The following CARNMT1 variants were observed in gnomAD, a reference collection of about 807,000 sequenced individuals.
The protein encoded by CARNMT1 is protein-L-histidine N-pros-methyltransferase CARNMT1.
A neutral mutation model predicts 49.6 loss-of-function variants in CARNMT1; 28 were observed. The ratio of observed to expected loss-of-function variants is 0.56; its 90% CI spans 0.42 to 0.77. CARNMT1 has a LOEUF of 0.77. Among genes scored for constraint, CARNMT1 ranks in the 30% least tolerant of loss-of-function variants. CARNMT1 has a pLI of 0.00. For missense variants in CARNMT1, 421 were observed against 512.6 expected, an observed-to-expected ratio of 0.82 and a Z score of 1.73; for synonymous variants, 178 against 175.0, an observed-to-expected ratio of 1.02 and a Z score of -0.13.
intron 1 of CARNMT1, among the ~76,000 whole-genome samples, chr9:75,020,941 C>T (rs1822327951): frequency 6.6e-6 from 1 of 152,094 alleles, no homozygotes; most frequent in South Asian, 2.1e-4. Flanking sequence ...TTACCGCCTT[C>T]CTTTGTCCAA....
chr9:75,021,397 T>C (rs1320803432), intron 1 of CARNMT1, among the ~76,000 whole-genome samples: 2 of 138,638 alleles, frequency 1.4e-5, no homozygotes, highest in Non-Finnish European at 3.1e-5. Context: ...ATATACAGTA[T>C]ATATACTATA....
intron 1 of CARNMT1, chr9:75,027,137 A>G: frequency 7.7e-7 from 1 of 1,303,262 alleles, no homozygotes; most frequent in Non-Finnish European, 1.0e-6. Flanking sequence ...ACGTGAATAA[A>G]AGTGTTATCT....
rs1392638756 is a variant in CARNMT1 at position 74,995,142 on chromosome 9, G to A, written c.1024+1305C>T. The stretch of plus-strand genomic sequence containing the variant: ...AACCTTACCATAACTCAGTAATGGG[G>A]GTCAAAAAATTTAATTATATAAACA... On this transcript the variant is annotated intron_variant, in intron 6 of 7. Coordinates refer to ENST00000376834, the MANE Select transcript of CARNMT1 (RefSeq NM_152420.3). 2.0e-5 allele frequency among the ~76,000 whole-genome samples: 3 copies of A among 152,262 alleles called. No homozygotes were observed. In the East Asian group the frequency reaches 5.8e-4, roughly 29 times the overall value.
chr9:75,027,663 T>C (rs1331378845), intron 1 of CARNMT1, among the ~76,000 whole-genome samples: 1 of 152,230 alleles, frequency 6.6e-6, no homozygotes, highest in Non-Finnish European at 1.5e-5. Context: ...AGTGGACGAT[T>C]GTACCACCAT....
chr9:74,990,282 TAAA>T (rs568453500), intron 6 of CARNMT1, among the ~76,000 whole-genome samples: 1 of 152,062 alleles, frequency 6.6e-6, no homozygotes, highest in Non-Finnish European at 1.5e-5. Flanking sequence ...GTAAAAATCT[TAAA>T]AAAACAGAAT....
chr9:75,003,237 A>G (rs1833412665), intron 3 of CARNMT1, among the ~76,000 whole-genome samples: 1 of 152,196 alleles, frequency 6.6e-6, no homozygotes, highest in Non-Finnish European at 1.5e-5. Flanking sequence ...CACTTCATCT[A>G]TATTTCCTAA....
At chr9:74,993,684 AT>A (rs2118771463) in intron 6 of CARNMT1, among the ~76,000 whole-genome samples, 1 of 151,710 alleles carries the variant, frequency 6.6e-6, no homozygotes, top group African/African-American at 2.4e-5. Flanking sequence ...ATCTAAAGAC[AT>A]TTTGGTTGTC....
chr9:74,985,126 G>T, intron 6 of CARNMT1, 116 bp from the exon 7 acceptor site: 1 of 767,154 alleles, frequency 1.3e-6, no homozygotes, highest in Non-Finnish European at 2.1e-6. Flanking sequence ...TAAAAAGTCT[G>T]GGCATTTGCT....
At chr9:75,027,237 AC>A (rs1199869377) in intron 1 of CARNMT1, 1 of 943,560 alleles carries the variant, frequency 1.1e-6, no homozygotes, top group African/African-American at 1.7e-5. Context: ...TCTAGAAGAA[AC>A]GTGGAAGTTA....
chr9:75,007,744 AT>A (rs749424645), intron 3 of CARNMT1, among the ~76,000 whole-genome samples: 9,266 of 112,374 alleles, frequency 0.082, 1,322 homozygotes, highest in East Asian at 0.2. Flanking sequence ...AATAAAAATA[AT>A]AAAAAAAAAA....
chr9:75,015,583 C>T (rs534103211), intron 3 of CARNMT1, among the ~76,000 whole-genome samples: 76 of 151,904 alleles, frequency 5.0e-4, no homozygotes, highest in African/African-American at 1.8e-3. Flanking sequence ...GTCAGGAGTT[C>T]GAGACCAGCC....
At chr9:75,002,174 T>C (rs1444797120) in intron 3 of CARNMT1, among the ~76,000 whole-genome samples, 1 of 152,200 alleles carries the variant, frequency 6.6e-6, no homozygotes, top group Non-Finnish European at 1.5e-5. Context: ...AAAGAGGCCA[T>C]AGATCACACT....
Position 74,998,615 on chromosome 9 carries a change from T to C in CARNMT1, c.893A>G (p.Glu298Gly). Reference sequence around the variant, plus strand: ...GGACTTACTGCATTCTGAATAAATCTCTTGAAAATCTCCTGCTGTCATAGA... The same window carrying C: ...GGACTTACTGCATTCTGAATAAATCCCTTGAAAATCTCCTGCTGTCATAGA... ...NFSMTAGDFQ[E>G]IYSECNTWDC... Residue 298 changes from glutamate to glycine, a missense_variant, in exon 5 of 8, where the codon GAG becomes GGG. Physicochemically the swap from Glu to Gly is moderately conservative, Grantham distance 98. Around this residue, in one of 2 missense-constraint regions of CARNMT1, gnomAD observed 235 missense variants for 344.8 expected, o/e 0.68. Transcript: ENST00000376834. 1 of 1,583,932 alleles carries C rather than the reference T, an allele frequency of 6.3e-7. No individual in the cohort carries two copies. The highest frequency in any genetic ancestry group is 8.6e-7 in the Non-Finnish European group (1 of 1,168,554).
chr9:75,004,971 T>A lies in CARNMT1; in HGVS notation c.591-5101A>T, dbSNP rs535081127. On this transcript the variant is annotated intron_variant, in intron 3 of 7. Coordinates refer to ENST00000376834, the MANE Select transcript of CARNMT1 (RefSeq NM_152420.3). ...ATGTTAGCCTTCCTTCCAGATAGGA[T>A]GCAAACTTAAGAATCTATATTTCCT... Among the ~76,000 whole-genome samples, 5 of 152,330 alleles carry A rather than the reference T, an allele frequency of 3.3e-5. No homozygotes were observed. In the South Asian group the frequency reaches 8.3e-4, roughly 25 times the overall value.
intron 1 of CARNMT1, among the ~76,000 whole-genome samples, chr9:75,018,278 G>C (rs1310387117): frequency 6.6e-6 from 1 of 152,032 alleles, no homozygotes; most frequent in East Asian, 1.9e-4. Context: ...TGCCCAGGCT[G>C]GTCTCAAACT....
intron 6 of CARNMT1, among the ~76,000 whole-genome samples, chr9:74,986,716 T>G (rs528055201): frequency 6.6e-6 from 1 of 152,336 alleles, no homozygotes; most frequent in African/African-American, 2.4e-5. Flanking sequence ...CAACTCAAGC[T>G]TTAGCCGTGC....
At chr9:75,027,945 C>T in intron 1 of CARNMT1, 67 bp downstream of exon 1, 1 of 1,465,168 alleles carries the variant, frequency 6.8e-7, no homozygotes, top group East Asian at 3.0e-5. Context: ...GCCCCCGTTC[C>T]GGCGGGTCCG....
intron 1 of CARNMT1, among the ~76,000 whole-genome samples, chr9:75,020,999 A>G (rs1334280896): frequency 6.6e-6 from 1 of 152,178 alleles, no homozygotes; most frequent in Non-Finnish European, 1.5e-5. Context: ...GATGATGATC[A>G]TGGAAGCTGC....
In CARNMT1 at chr9:74,996,552, C is replaced by T. The variant is rs775726660; in HGVS notation, c.919G>A (p.Asp307Asn). The T allele has an allele frequency of 4.5e-6, 7 of 1,562,450 alleles. No homozygotes were observed. In the Admixed American group the frequency reaches 5.9e-5, roughly 13 times the overall value. ...ATGAAGAAACAGGTAGCAATACAGT[C>T]CCAGGTATCTAATGAAGAAAAATCA... ...QEIYSECNTW[D>N]CIATCFFIDT... Residue 307 changes from aspartate to asparagine, a missense_variant, in exon 6 of 8, where the codon GAC (aspartate) becomes AAC (asparagine). Asp to Asn is a conservative substitution (Grantham distance 23). Coordinates refer to ENST00000376834, the MANE Select transcript of CARNMT1 (RefSeq NM_152420.3).
Sources: gnomAD v4.1 joint callset for allele counts (sites outside exome capture counted in the v4.1 genomes callset) on GRCh38, gnomAD v4.1.1 for gene constraint, gnomAD v4.1.1 regional missense constraint, MANE v1.5 for transcripts, NCBI Gene and HGNC (gene_info 2026-07-23, HGNC 2026-07-21) for gene names.